The following CCDC171 variants were observed in gnomAD, a reference collection of about 807,000 sequenced individuals.
The protein encoded by CCDC171 is coiled-coil domain-containing protein 171.
CCDC171 carries 177 observed loss-of-function variants against 168.2 expected under a neutral mutation model. The ratio of observed to expected loss-of-function variants is 1.05; its 90% CI spans 0.93 to 1.19. The LOEUF is 1.19. CCDC171 is among the 50% of genes most tolerant of loss of function. The probability of loss-of-function intolerance (pLI) is 0.00; values close to 1 mark genes in which losing one functional copy is unlikely to be tolerated. For missense variants in CCDC171, 1,991 were observed against 1,539.0 expected (o/e 1.29, Z -4.91); for synonymous variants, 687 against 540.8 (o/e 1.27, Z -3.75).
intron 24 of CCDC171, among the ~76,000 whole-genome samples, chr9:15,893,911 A>G (rs1820540304): frequency 6.6e-6 from 1 of 152,192 alleles, no homozygotes; most frequent in South Asian, 2.1e-4. Flanking sequence ...TTGACCCAGC[A>G]ATCCCATTAC....
chr9:15,714,485 G>A (rs1253535911), intron 11 of CCDC171, among the ~76,000 whole-genome samples: 1 of 152,168 alleles, frequency 6.6e-6, no homozygotes, highest in Admixed American at 6.5e-5. Context: ...ACCTCTGTAA[G>A]CTCCTACCCT....
intron 25 of CCDC171, among the ~76,000 whole-genome samples, chr9:15,952,596 C>T (rs1465620647): frequency 5.3e-5 from 8 of 151,978 alleles, no homozygotes; most frequent in Admixed American, 4.6e-4. Context: ...GGGGTTTCTC[C>T]ATGTTGGTCA....
intron 21 of CCDC171, among the ~76,000 whole-genome samples, chr9:15,836,239 C>T (rs941475021): frequency 2.6e-5 from 4 of 152,230 alleles, no homozygotes; most frequent in Admixed American, 6.5e-5. Context: ...TGATTTCTCA[C>T]ACATTATGCA....
intron 7 of CCDC171, among the ~76,000 whole-genome samples, chr9:15,624,380 T>G (rs1010850061): frequency 5.9e-5 from 9 of 152,148 alleles, no homozygotes; most frequent in African/African-American, 2.2e-4. Flanking sequence ...TTGTTACATA[T>G]GTATACATGT....
chr9:15,813,052 C>T (rs940132581), intron 21 of CCDC171, among the ~76,000 whole-genome samples: 2 of 152,030 alleles, frequency 1.3e-5, no homozygotes, highest in Non-Finnish European at 2.9e-5. Context: ...GAACAGAATA[C>T]TGAAATGGGT....
At chr9:15,987,775 A>G (rs1832041918) in intron 3 of CCDC171, among the ~76,000 whole-genome samples, 1 of 149,348 alleles carries the variant, frequency 6.7e-6, no homozygotes, top group African/African-American at 2.5e-5. Flanking sequence ...CACATTTTGG[A>G]ATATTTGCAT....
Position 15,571,607 on chromosome 9 carries a change from G to T in CCDC171, c.42-17G>T, listed in dbSNP as rs1403591580. 3.3e-6 allele frequency: 5 copies of T among 1,519,312 alleles called. No homozygotes were observed. The East Asian group carries it at 1.2e-4, about 37-fold the overall frequency. 94.1% of individuals were successfully genotyped at this position (1,519,312 alleles called of 1,614,324 possible). A position where few individuals can be genotyped will look rare whatever the true frequency, so the allele number is the denominator to read the frequency against. On this transcript the variant is annotated splice_polypyrimidine_tract_variant and intron_variant, in intron 2 of 25. Transcript: ENST00000380701. ...TTATGAGAAGCATATACATTTTACT[G>T]TAATCTCATTTTAAAGGTTGAAGAT...
chr9:15,868,219 C>A (rs967066954), intron 23 of CCDC171, among the ~76,000 whole-genome samples: 1 of 151,906 alleles, frequency 6.6e-6, no homozygotes, highest in African/African-American at 2.4e-5. Context: ...AAATAACCTG[C>A]CAGCAAAAGA....
chr9:15,711,557 TGAAG>T (rs1441778143), intron 11 of CCDC171, among the ~76,000 whole-genome samples: 1 of 152,194 alleles, frequency 6.6e-6, no homozygotes, highest in Non-Finnish European at 1.5e-5. Context: ...GAAGTAACTG[TGAAG>T]ATCAAGTGTG....
At chr9:15,610,444 T>TGAAAAAA (rs1564043775) in intron 6 of CCDC171, among the ~76,000 whole-genome samples, 1 of 12,700 alleles carries the variant, frequency 7.9e-5, no homozygotes, top group Non-Finnish European at 1.5e-4. Context: ...CCATCTCAAC[T>TGAAAAAA]AAAAAAAAAA....
At chr9:16,096,810 C>G in the CCDC171 span, among the ~76,000 whole-genome samples, 1 of 152,112 alleles carries the variant, frequency 6.6e-6, no homozygotes, top group Non-Finnish European at 1.5e-5. Flanking sequence ...CAGAGTGAAA[C>G]AGAAGGTAGT....
In CCDC171 at chr9:15,727,892, C is replaced by T. The variant is rs375392082; in HGVS notation, c.1716C>T (p.Thr572=). 1.9e-6 allele frequency: 3 copies of T among 1,611,380 alleles called. No homozygotes were observed. Among genetic ancestry groups the T allele is most frequent in the African/African-American group, 2.7e-5 (2 of 74,676 alleles). The change falls in exon 15 of 26, where the codon ACC becomes ACT. Residue 572 remains threonine (T), a synonymous_variant. Coordinates refer to ENST00000380701, the MANE Select transcript of CCDC171 (RefSeq NM_173550.4). The part of the protein sequence containing the change: ...DAEEKLTFLH[T]LYQHLVAGCV... ...AGGAGAAGCTAACCTTCCTTCACACCTTATATCAGCACTTGGTAGCAGGCT... is the reference window on the plus strand; with the variant it reads ...AGGAGAAGCTAACCTTCCTTCACACTTTATATCAGCACTTGGTAGCAGGCT...
At position 15,669,949 on chromosome 9, in the gene CCDC171, T is replaced by C. The variant is rs1377833954; in HGVS notation, c.1076+3626T>C. Among the ~76,000 whole-genome samples, 12 of 73,496 alleles carry C rather than the reference T, an allele frequency of 1.6e-4. No homozygotes were observed. In the Admixed American group the frequency reaches 2.2e-3, roughly 14 times the overall value. The allele number at this position is 73,496 out of a possible 152,430, so 48.2% of individuals were successfully genotyped here. A position where few individuals can be genotyped will look rare whatever the true frequency, so the allele number is the denominator to read the frequency against. On this transcript the variant is annotated intron_variant, in intron 9 of 25. Transcript: ENST00000380701. ...GTTATTGTCAAATTCTTAGCTGAAG[T>C]CTTAAAAAAAAAAAAAAAAAAAAAA...
At position 15,777,924 on chromosome 9, in the gene CCDC171, G is replaced by T. The variant is rs534038846; in HGVS notation, c.2898+98G>T. The T allele has an allele frequency of 5.3e-6, 4 of 750,092 alleles. 1 individual carries two copies. In the African/African-American group the frequency reaches 5.4e-5, roughly 10 times the overall value. The allele number at this position is 750,092 out of a possible 1,614,324, so 46.5% of individuals were successfully genotyped here. On this transcript the variant is annotated intron_variant, in intron 19 of 25. Transcript: ENST00000380701. ...TTTAAATTATTAGTTGTACATGAAT[G>T]TATCTGGATTTTCTTTATAGTTCAT... is the stretch of plus-strand genomic sequence containing the variant.
chr9:16,046,658 G>T (rs572639305), intron 1 of CCDC171, among the ~76,000 whole-genome samples: 1 of 152,218 alleles, frequency 6.6e-6, no homozygotes, highest in Admixed American at 6.5e-5. Flanking sequence ...TGTCCTCATG[G>T]TAGTGAATAA....
chr9:15,875,724 A>G (rs922683415), intron 24 of CCDC171: 1 of 152,020 alleles, frequency 6.6e-6, no homozygotes, highest in African/African-American at 2.4e-5. Flanking sequence ...TATATGCTCC[A>G]TATCCTAATT....
intron 21 of CCDC171, among the ~76,000 whole-genome samples, chr9:15,837,161 T>C (rs1021763011): frequency 4.6e-5 from 7 of 152,174 alleles, no homozygotes; most frequent in Admixed American, 1.3e-4. Flanking sequence ...CTGTTTGTTG[T>C]TTAAGAAAAT....
At chr9:15,742,323 T>A (rs2054934730) in intron 16 of CCDC171, among the ~76,000 whole-genome samples, 2 of 152,232 alleles carry the variant, frequency 1.3e-5, no homozygotes, top group South Asian at 4.1e-4. Flanking sequence ...CATAAGGTAC[T>A]CAGTCCTCTG....
the CCDC171 span, among the ~76,000 whole-genome samples, chr9:16,068,544 A>G: frequency 6.6e-6 from 1 of 152,164 alleles, no homozygotes; most frequent in Non-Finnish European, 1.5e-5. Flanking sequence ...TCTCAGTTCA[A>G]ACTCTGGCTC....
Sources: gnomAD v4.1 joint callset for allele counts (sites outside exome capture counted in the v4.1 genomes callset) on GRCh38, gnomAD v4.1.1 for gene constraint, MANE v1.5 for transcripts, NCBI Gene and HGNC (gene_info 2026-07-23, HGNC 2026-07-21) for gene names.